NECTIN3: variants seen among roughly 807,000 people sequenced by gnomAD.
NECTIN3 encodes nectin-3.
Under a neutral mutation model 49.4 loss-of-function variants are expected in NECTIN3, and 8 were observed. The observed-to-expected ratio is 0.16, with a 90% CI of 0.10 to 0.29. The LOEUF (loss-of-function observed/expected upper bound fraction) is 0.29. NECTIN3 is among the 10% of genes least tolerant of loss of function. NECTIN3 has a pLI of 1.00. For synonymous variants in NECTIN3, 277 were observed against 241.1 expected, an observed-to-expected ratio of 1.15 and a Z score of -1.38; for missense variants, 581 against 654.6, an observed-to-expected ratio of 0.89 and a Z score of 1.23.
At position 111,136,193 on chromosome 3, in the gene NECTIN3, A is replaced by G. The variant is rs1295776879; in HGVS notation, c.*1978A>G. The G allele has an allele frequency of 1.0e-6, 1 of 969,004 alleles. No individual in the cohort carries two copies. The highest frequency in any genetic ancestry group is 1.2e-6 in the Non-Finnish European group (1 of 815,282). The allele number at this position is 969,004 out of a possible 1,614,324, so 60.0% of individuals were successfully genotyped here. ...TTAAAATAATGGTTTGAAATACTGTATGGATCTGAACAGAATAATCACATT... is the reference window on the plus strand; with the variant it reads ...TTAAAATAATGGTTTGAAATACTGTGTGGATCTGAACAGAATAATCACATT... On this transcript the variant is annotated 3_prime_UTR_variant, in exon 6 of 6. Coordinates refer to ENST00000485303, the MANE Select transcript of NECTIN3 (RefSeq NM_015480.3).
chr3:111,142,389 C>T (rs1283046596), downstream of NECTIN3, among the ~76,000 whole-genome samples: 1 of 151,684 alleles, frequency 6.6e-6, no homozygotes, highest in African/African-American at 2.4e-5. Context: ...AAAGAGGATA[C>T]ATATGATAAA....
chr3:111,128,209 C>T (rs770285925), intron 5 of NECTIN3, among the ~76,000 whole-genome samples: 17 of 151,538 alleles, frequency 1.1e-4, no homozygotes, highest in Non-Finnish European at 1.8e-4. Flanking sequence ...TGGTGGTATG[C>T]GCCTGTGATC....
chr3:111,081,221 T>C (rs1038760515), intron 1 of NECTIN3, among the ~76,000 whole-genome samples: 1 of 152,210 alleles, frequency 6.6e-6, no homozygotes, highest in Non-Finnish European at 1.5e-5. Context: ...GCTGAGGCTG[T>C]AGTGAGCTAA....
At position 111,072,029 on chromosome 3, in the gene NECTIN3, C is replaced by T; in HGVS notation, c.12C>T (p.Thr4=). Residue 4 remains threonine, a synonymous_variant, in exon 1 of 6, where the codon ACC becomes ACT. Transcript: ENST00000485303. MAR[T]LRPSPLCPGG... ...GGGGAGGGTGGGGGATGGCGCGGAC[C>T]CTGCGGCCGTCCCCGCTGTGTCCTG... 1 of 1,531,592 alleles carries T rather than the reference C, an allele frequency of 6.5e-7. No individual in the cohort carries two copies. The highest frequency in any genetic ancestry group is 8.8e-7 in the Non-Finnish European group (1 of 1,138,896). The allele number at this position is 1,531,592 out of a possible 1,614,324, so 94.9% of individuals were successfully genotyped here. A position where few individuals can be genotyped will look rare whatever the true frequency, so the allele number is the denominator to read the frequency against.
At chr3:111,149,507 G>GTGTGTA (rs1307943200) in intron 7 of NECTIN3, among the ~76,000 whole-genome samples, 2 of 139,246 alleles carry the variant, frequency 1.4e-5, no homozygotes, top group Admixed American at 1.4e-4. Flanking sequence ...GTGTGTGTGT[G>GTGTGTA]TAGAATCTCT....
chr3:111,108,597 A>G (rs2033314977), intron 1 of NECTIN3, among the ~76,000 whole-genome samples: 1 of 152,176 alleles, frequency 6.6e-6, no homozygotes, highest in Non-Finnish European at 1.5e-5. Context: ...TTTTAAAGGA[A>G]ACAGGCTTAT....
At chr3:111,094,097 T>C (rs1022674461) in intron 1 of NECTIN3, among the ~76,000 whole-genome samples, 1 of 151,972 alleles carries the variant, frequency 6.6e-6, no homozygotes, top group African/African-American at 2.4e-5. Context: ...GGCAATACTT[T>C]TGTATCACTT....
Position 111,136,214 on chromosome 3 carries a change from A to T in NECTIN3, c.*1999A>T, listed in dbSNP as rs776098169. 65 of 963,622 alleles carry T rather than the reference A, an allele frequency of 6.7e-5. No individual in the cohort carries two copies. Among genetic ancestry groups the T allele is most frequent in the Non-Finnish European group, 8.0e-5 (65 of 810,472 alleles). The allele number at this position is 963,622 out of a possible 1,614,324, so 59.7% of individuals were successfully genotyped here. A position where few individuals can be genotyped will look rare whatever the true frequency, so the allele number is the denominator to read the frequency against. ...CTGTATGGATCTGAACAGAATAATC[A>T]CATTTAGGATTCTATATAAATCTCA... On this transcript the variant is annotated 3_prime_UTR_variant, in exon 6 of 6. Coordinates refer to ENST00000485303, the MANE Select transcript of NECTIN3 (RefSeq NM_015480.3).
intron 2 of NECTIN3, 113 bp from the exon 3 acceptor site, chr3:111,118,543 A>T (rs1364637871): frequency 5.1e-6 from 5 of 989,708 alleles, no homozygotes; most frequent in Non-Finnish European, 7.2e-6. Flanking sequence ...GTGTGTGTAG[A>T]TTTTTATATG....
rs765322397 is a variant in NECTIN3 at position 111,134,258 on chromosome 3, A to T, written c.*43A>T. On this transcript the variant is annotated 3_prime_UTR_variant, in exon 6 of 6. Transcript: ENST00000485303. ...TTAACTATGTACAATGTTCATTCAC[A>T]CTAGTTGATCATTTTCAGATTGTTC... 4.0e-6 allele frequency: 6 copies of T among 1,517,010 alleles called. No individual in the cohort carries two copies. The East Asian group carries it at 1.1e-4, about 29-fold the overall frequency. The allele number at this position is 1,517,010 out of a possible 1,614,324, so 94.0% of individuals were successfully genotyped here. A position where few individuals can be genotyped will look rare whatever the true frequency, so the allele number is the denominator to read the frequency against.
At chr3:111,104,313 CTTT>C (rs935543116) in intron 1 of NECTIN3, among the ~76,000 whole-genome samples, 1 of 89,280 alleles carries the variant, frequency 1.1e-5, no homozygotes, top group African/African-American at 4.4e-5. Context: ...CTGTTCAGAT[CTTT>C]TTTTTTTTTT....
At chr3:111,144,749 C>T (rs944575136) in intron 5 of NECTIN3, 19 of 782,274 alleles carry the variant, frequency 2.4e-5, no homozygotes, top group Middle Eastern at 3.6e-4. Context: ...CATAATGCCA[C>T]TAAACCTAAT....
intron 7 of NECTIN3, among the ~76,000 whole-genome samples, chr3:111,149,414 C>CA (rs1413629768): frequency 2.5e-4 from 37 of 150,396 alleles, no homozygotes; most frequent in Non-Finnish European, 3.0e-5. Flanking sequence ...ACAATAATGT[C>CA]ATTTCTTCCC....
intron 1 of NECTIN3, among the ~76,000 whole-genome samples, chr3:111,087,913 G>T (rs1011133804): frequency 1.3e-5 from 2 of 151,972 alleles, no homozygotes; most frequent in African/African-American, 4.8e-5. Context: ...GGGCAGGCTT[G>T]TCTTGAACTC....
At chr3:111,190,747 A>T (rs531777377), upstream of NECTIN3, among the ~76,000 whole-genome samples, 1 of 152,240 alleles carries the variant, frequency 6.6e-6, no homozygotes, top group African/African-American at 2.4e-5. Context: ...AGGTTTCAAC[A>T]TATGAATTTT....
At chr3:111,117,937 C>T (rs2033758698) in intron 2 of NECTIN3, among the ~76,000 whole-genome samples, 1 of 151,810 alleles carries the variant, frequency 6.6e-6, no homozygotes, top group South Asian at 2.1e-4. Flanking sequence ...ATGTACATTC[C>T]AGTAAACTTA....
chr3:111,103,412 A>T (rs1199015507), intron 1 of NECTIN3, among the ~76,000 whole-genome samples: 1 of 151,064 alleles, frequency 6.6e-6, no homozygotes, highest in Non-Finnish European at 1.5e-5. Context: ...TTTAACTTCA[A>T]ATTCCACTTG....
intron 6 of NECTIN3, among the ~76,000 whole-genome samples, chr3:111,146,541 AATGT>A (rs781250780): frequency 6.6e-6 from 1 of 152,112 alleles, no homozygotes; most frequent in Non-Finnish European, 1.5e-5. Flanking sequence ...TTAACAAATT[AATGT>A]AACCATTTTA....
At chr3:111,153,287 C>T (rs956830108) in intron 7 of NECTIN3, among the ~76,000 whole-genome samples, 3 of 151,810 alleles carry the variant, frequency 2.0e-5, no homozygotes, top group African/African-American at 7.3e-5. Flanking sequence ...ATCAACAAAG[C>T]TTGGATAAAA....
Sources: allele counts gnomAD v4.1 joint callset (sites outside exome capture counted in the v4.1 genomes callset), GRCh38; gene constraint gnomAD v4.1.1; transcripts MANE v1.5; gene names NCBI Gene and HGNC (gene_info 2026-07-23, HGNC 2026-07-21).